Variants in TRPV2 observed in about 807,000 individuals in gnomAD.
TRPV2 encodes OTRPC2.
Under a neutral mutation model 91.0 loss-of-function variants are expected in TRPV2, and 58 were observed. The observed-to-expected ratio is 0.64, with a 90% CI of 0.52 to 0.79. The LOEUF (loss-of-function observed/expected upper bound fraction) is 0.79. Among genes scored for constraint, TRPV2 ranks in the 30% least tolerant of loss-of-function variants. The pLI, the probability that TRPV2 is intolerant of heterozygous loss-of-function variation, is 0.00. For missense variants in TRPV2, 807 were observed against 969.6 expected (o/e 0.83, Z 2.23); for synonymous variants, 417 against 414.8 (o/e 1.01, Z -0.06).
chr17:16,429,331 G>T (rs574713013), intron 10 of TRPV2, among the ~76,000 whole-genome samples: 1 of 152,350 alleles, frequency 6.6e-6, no homozygotes, highest in African/African-American at 2.4e-5. Context: ...TGTATTCAGC[G>T]CATGTTTAGG....
chr17:16,436,666 AG>A (rs1490176492), intron 14 of TRPV2, 122 bp from the exon 15 acceptor site: 14 of 701,736 alleles, frequency 2.0e-5, no homozygotes, highest in Non-Finnish European at 3.6e-5. Context: ...GCTGGCCTCC[AG>A]GATCGCTGAG....
chr17:16,419,281 G>A (rs766071898), intron 2 of TRPV2: 5 of 469,720 alleles, frequency 1.1e-5, no homozygotes, highest in Admixed American at 4.7e-5. Context: ...GTCACCAGAC[G>A]CTGCTAGATT....
rs2142994552 is a variant in TRPV2 at position 16,426,639 on chromosome 17, G to A, written c.1096-83G>A. On this transcript the variant is annotated intron_variant, in intron 6 of 14. Transcript: ENST00000338560. This position sits in a 1 kb window ranked among gnomAD's most constrained non-coding sequence, Gnocchi z 6.0. ...CCTGTCCTCTCTCCTCATTTCCTGG[G>A]CCCTTGCTTTGATCTTGACATGGAG... The A allele has an allele frequency of 1.3e-6, 2 of 1,496,350 alleles. No individual in the cohort carries two copies. Among genetic ancestry groups the A allele is most frequent in the South Asian group, 2.6e-5 (2 of 77,804 alleles). 92.7% of individuals were successfully genotyped at this position (1,496,350 alleles called of 1,614,324 possible).
At chr17:16,419,285 C>T in intron 2 of TRPV2, 1 of 470,458 alleles carries the variant, frequency 2.1e-6, no homozygotes, top group South Asian at 1.5e-5. Flanking sequence ...CCAGACGCTG[C>T]TAGATTCTAG....
Position 16,422,722 on chromosome 17 carries a change from A to G in TRPV2, c.458A>G (p.Asn153Ser). 1 of 1,602,516 alleles carries G rather than the reference A, an allele frequency of 6.2e-7. No homozygotes were observed. The highest frequency in any genetic ancestry group is 8.5e-7 in the Non-Finnish European group (1 of 1,173,918). Residue 153 changes from asparagine (N) to serine (S), a missense_variant, in exon 4 of 15, where the codon AAT becomes AGT. Coordinates refer to ENST00000338560, the MANE Select transcript of TRPV2 (RefSeq NM_016113.5). Reference sequence around the variant, plus strand: ...TCTGGCAATCCTCAGCCCCTGGTAAATGCCCAGTGCACAGATGACTATTAC... The same window carrying G: ...TCTGGCAATCCTCAGCCCCTGGTAAGTGCCCAGTGCACAGATGACTATTAC... ...RDSGNPQPLV[N>S]AQCTDDYYRG... is the part of the protein sequence containing the mutation.
chr17:16,422,796 T>C lies in TRPV2; in HGVS notation c.532T>C (p.Cys178Arg), dbSNP rs1286720079. ...HIAIEKRSLQ[C>R]VKLLVENGAN... ...CGCCATTGAGAAGAGGAGTCTGCAG[T>C]GTGTGAAGCTCCTGGTGGAGAATGG... The change falls in exon 4 of 15, where the codon TGT (cysteine) becomes CGT (arginine). Residue 178 changes from cysteine to arginine, a missense_variant. Cys to Arg is a radical substitution (Grantham distance 180). Coordinates refer to ENST00000338560, the MANE Select transcript of TRPV2 (RefSeq NM_016113.5). The C allele has an allele frequency of 6.4e-7, 1 of 1,573,428 alleles. No individual in the cohort carries two copies. The highest frequency in any genetic ancestry group is 1.2e-5 in the South Asian group (1 of 86,334).
intron 8 of TRPV2, 57 bp from the exon 9 acceptor site, chr17:16,428,260 G>T: frequency 6.4e-7 from 1 of 1,568,988 alleles, no homozygotes; most frequent in African/African-American, 1.3e-5. Flanking sequence ...AGCCAGGCCA[G>T]CAGGGGGCAT....
At chr17:16,429,865 CTT>C (rs1258444350) in intron 10 of TRPV2, among the ~76,000 whole-genome samples, 4 of 144,280 alleles carry the variant, frequency 2.8e-5, no homozygotes, top group African/African-American at 5.1e-5. Flanking sequence ...TAACATGGAA[CTT>C]TTTTTTTTTT....
At chr17:16,430,534 G>A (rs2093405001) in intron 10 of TRPV2, among the ~76,000 whole-genome samples, 1 of 147,400 alleles carries the variant, frequency 6.8e-6, no homozygotes, top group South Asian at 2.1e-4. Context: ...TGCCCAGGCT[G>A]GAGTGCAGTG....
At position 16,426,949 on chromosome 17, in the gene TRPV2, G is replaced by A; in HGVS notation, c.1251+72G>A. ...TGAAACAACCCTGGGGGAAGATGGG[G>A]CAGTAATAGTGCTGAGGCATGGGCT... On this transcript the variant is annotated intron_variant, in intron 7 of 14. Coordinates refer to ENST00000338560, the MANE Select transcript of TRPV2 (RefSeq NM_016113.5). This position sits in a 1 kb window ranked among gnomAD's most constrained non-coding sequence, Gnocchi z 6.0. 7 of 1,538,918 alleles carry A rather than the reference G, an allele frequency of 4.5e-6. No homozygotes were observed. Among genetic ancestry groups the A allele is most frequent in the East Asian group, 4.5e-5 (2 of 44,492 alleles).
chr17:16,417,828 A>G lies in TRPV2; in HGVS notation c.160A>G (p.Ile54Val). The change falls in exon 2 of 15, where the codon ATA becomes GTA. Residue 54 changes from isoleucine (I) to valine (V), a missense_variant. Physicochemically the swap from Ile to Val is conservative, Grantham distance 29 (BLOSUM62 3). Coordinates refer to ENST00000338560, the MANE Select transcript of TRPV2 (RefSeq NM_016113.5). The part of the protein sequence containing the change: ...QGEDRKFAPQ[I>V]RVNLNYRKGT... ...CGAGGACCGGAAATTCGCCCCTCAG[A>G]TAAGAGTCAACCTCAACTACCGAAA... The G allele has an allele frequency of 1.9e-6, 3 of 1,614,162 alleles. No individual in the cohort carries two copies. Among genetic ancestry groups the G allele is most frequent in the Non-Finnish European group, 2.5e-6 (3 of 1,180,008 alleles).
In TRPV2 at chr17:16,435,439, C is replaced by T. The variant is rs2093430927; in HGVS notation, c.2194+470C>T. 6.6e-6 allele frequency among the ~76,000 whole-genome samples: 1 copy of T among 152,154 alleles called. No homozygotes were observed. Among genetic ancestry groups the T allele is most frequent in the Admixed American group, 6.5e-5 (1 of 15,274 alleles). ...TGCATAGGCCCTTAGTCCCTTCACA[C>T]CCCAAGTCCCCCACCTCTGAGAAAC... On this transcript the variant is annotated intron_variant, in intron 14 of 14. Transcript: ENST00000338560. This position sits in a 1 kb window ranked among gnomAD's most constrained non-coding sequence, Gnocchi z 4.2.
At position 16,426,416 on chromosome 17, in the gene TRPV2, AC is replaced by A; in HGVS notation, c.1095+149del. On this transcript the variant is annotated intron_variant, in intron 6 of 14. Coordinates refer to ENST00000338560, the MANE Select transcript of TRPV2 (RefSeq NM_016113.5). This position sits in a 1 kb window ranked among gnomAD's most constrained non-coding sequence, Gnocchi z 6.0. ...GCATGTCCCAGCAGGCACGACCCTGACCATGGCCACCGGGCCCATACTCAAT... is the reference window on the plus strand; with the variant it reads ...GCATGTCCCAGCAGGCACGACCCTGACATGGCCACCGGGCCCATACTCAAT... 9.8e-7 allele frequency: 1 copy of A among 1,021,360 alleles called. No individual in the cohort carries two copies. Among genetic ancestry groups the A allele is most frequent in the Non-Finnish European group, 1.4e-6 (1 of 705,826 alleles). 63.3% of individuals were successfully genotyped at this position (1,021,360 alleles called of 1,614,324 possible). A position where few individuals can be genotyped will look rare whatever the true frequency, so the allele number is the denominator to read the frequency against.
intron 3 of TRPV2, 45 bp from the exon 4 acceptor site, chr17:16,422,554 A>T: frequency 6.3e-7 from 1 of 1,583,918 alleles, no homozygotes; most frequent in Admixed American, 1.7e-5. Flanking sequence ...CAGCCACTCC[A>T]GGTCTCAGCA....
chr17:16,429,071 C>A, intron 10 of TRPV2, 89 bp downstream of exon 10: 1 of 1,422,866 alleles, frequency 7.0e-7, no homozygotes. Context: ...CAGAGGAGGG[C>A]ATGTGTACAT....
chr17:16,428,307 T>G lies in TRPV2; in HGVS notation c.1351-10T>G, dbSNP rs1387466879. ...GGTTTCACAGCCCTCTGTCCTCCCT[T>G]CCTCCGCAGCTGTGGTACTTCTGGC... On this transcript the variant is annotated splice_polypyrimidine_tract_variant and intron_variant, in intron 8 of 14. Transcript: ENST00000338560. The G allele has an allele frequency of 6.2e-7, 1 of 1,614,058 alleles. No homozygotes were observed. The highest frequency in any genetic ancestry group is 2.2e-5 in the East Asian group (1 of 44,888).
intron 12 of TRPV2, 112 bp from the exon 13 acceptor site, chr17:16,433,462 C>A: frequency 1.4e-6 from 2 of 1,453,472 alleles, no homozygotes; most frequent in East Asian, 2.3e-5. Context: ...TAGTTGACTT[C>A]GCGTTATACT....
intron 2 of TRPV2, among the ~76,000 whole-genome samples, chr17:16,419,162 T>C (rs1034229573): frequency 2.0e-5 from 3 of 152,214 alleles, no homozygotes; most frequent in African/African-American, 7.2e-5. Flanking sequence ...CCCTGTTCTT[T>C]GTCTTCGCAT....
rs916180960 is a variant in TRPV2 at position 16,432,367 on chromosome 17, C to T, written c.1989+67C>T. The stretch of plus-strand genomic sequence containing the variant: ...TCAGGCGGTGGGGAGTGCTCCGGAC[C>T]CTGCGGAGCTGGGCCTTCCCTAGCC... On this transcript the variant is annotated intron_variant, in intron 12 of 14. Transcript: ENST00000338560. 1.2e-5 allele frequency: 18 copies of T among 1,448,138 alleles called. No individual in the cohort carries two copies. The African/African-American group carries it at 2.2e-4, about 18-fold the overall frequency. 89.7% of individuals were successfully genotyped at this position (1,448,138 alleles called of 1,614,324 possible).
Sources: gnomAD v4.1 joint callset for allele counts (sites outside exome capture counted in the v4.1 genomes callset) on GRCh38, gnomAD v4.1.1 for gene constraint, Gnocchi (gnomAD v3.1) non-coding constraint, MANE v1.5 for transcripts, NCBI Gene and HGNC (gene_info 2026-07-23, HGNC 2026-07-21) for gene names.